The following SYT14 variants were observed in gnomAD, a reference collection of about 807,000 sequenced individuals.
SYT14 encodes synaptotagmin-14.
SYT14 carries 32 observed loss-of-function variants against 74.2 expected under a neutral mutation model. That is an observed-to-expected ratio of 0.43 (90% CI 0.33 to 0.58). SYT14 has a LOEUF of 0.58. SYT14 is among the 20% of genes least tolerant of loss of function. The probability of loss-of-function intolerance (pLI) is 0.05; values close to 1 mark genes in which losing one functional copy is unlikely to be tolerated. For synonymous variants in SYT14, 298 were observed against 337.7 expected, an observed-to-expected ratio of 0.88 and a Z score of 1.29; for missense variants, 791 against 981.8, an observed-to-expected ratio of 0.81 and a Z score of 2.60.
chr1:210,046,407 G>T (rs970275935), intron 5 of SYT14, among the ~76,000 whole-genome samples: 5 of 126,410 alleles, frequency 4.0e-5, no homozygotes, highest in African/African-American at 1.8e-4. Context: ...CTCATTTCAA[G>T]TGTACAAGTC....
chr1:210,104,271 A>G (rs903629419), intron 7 of SYT14, among the ~76,000 whole-genome samples: 2 of 152,230 alleles, frequency 1.3e-5, no homozygotes, highest in South Asian at 2.1e-4. Context: ...CACCTGACCA[A>G]TTCTGTAGTA....
chr1:210,157,722 C>T (rs1246053405), intron 8 of SYT14, among the ~76,000 whole-genome samples: 1 of 151,566 alleles, frequency 6.6e-6, no homozygotes, highest in African/African-American at 2.4e-5. Flanking sequence ...AGCCTGGTGG[C>T]AGAGCAAGGC....
chr1:210,156,002 C>A, intron 8 of SYT14, 92 bp downstream of exon 7: 1 of 1,143,448 alleles, frequency 8.7e-7, no homozygotes, highest in Non-Finnish European at 1.3e-6. Flanking sequence ...TTAGTCTTAA[C>A]CAATCAAAAT....
intron 2 of SYT14, among the ~76,000 whole-genome samples, chr1:209,965,030 G>C (rs1165594483): frequency 6.6e-6 from 1 of 152,030 alleles, no homozygotes; most frequent in Non-Finnish European, 1.5e-5. Context: ...CTTTTTTTCT[G>C]TACAGAAGGT....
chr1:210,140,429 T>A (rs1226514911), intron 7 of SYT14, among the ~76,000 whole-genome samples: 2 of 149,158 alleles, frequency 1.3e-5, no homozygotes, highest in Non-Finnish European at 2.9e-5. Context: ...ATAAGATAAG[T>A]GATTTGATAA....
At chr1:210,042,814 T>C (rs183550924) in intron 5 of SYT14, among the ~76,000 whole-genome samples, 17 of 152,346 alleles carry the variant, frequency 1.1e-4, no homozygotes, top group Admixed American at 3.9e-4. Context: ...TTCTTTTTGC[T>C]TAGGATTGTC....
intron 7 of SYT14, among the ~76,000 whole-genome samples, chr1:210,150,920 T>C (rs1407223749): frequency 6.6e-6 from 1 of 152,186 alleles, no homozygotes; most frequent in Non-Finnish European, 1.5e-5. Context: ...TGTACAAGCT[T>C]CCACCTGATT....
At chr1:210,000,466 G>GCACACACACACACACACACACA (rs375046637) in intron 2 of SYT14, among the ~76,000 whole-genome samples, 22 of 143,200 alleles carry the variant, frequency 1.5e-4, no homozygotes, top group African/African-American at 5.0e-4. Context: ...GTCCTCATAC[G>GCACACACACACACACACACACA]CACACACACA....
intron 2 of SYT14, among the ~76,000 whole-genome samples, chr1:209,981,336 T>G (rs1046278125): frequency 6.6e-6 from 1 of 152,176 alleles, no homozygotes; most frequent in Non-Finnish European, 1.5e-5. Flanking sequence ...TTCTTAGTGC[T>G]TGCTTGGTTG....
At chr1:209,952,285 A>T (rs2078924603) in intron 1 of SYT14, among the ~76,000 whole-genome samples, 1 of 152,198 alleles carries the variant, frequency 6.6e-6, no homozygotes, top group Non-Finnish European at 1.5e-5. Context: ...AGAATATATA[A>T]TGTGAGCATA....
At chr1:209,968,176 C>G (rs1287120078) in intron 2 of SYT14, among the ~76,000 whole-genome samples, 1 of 152,094 alleles carries the variant, frequency 6.6e-6, no homozygotes, top group Non-Finnish European at 1.5e-5. Context: ...AATGTAGCCT[C>G]ATCTTAGGTC....
rs867212617 is a variant in SYT14 at position 210,122,126 on chromosome 1, C to T, written c.2034+21665C>T. Among the ~76,000 whole-genome samples the T allele has an allele frequency of 7.6e-5, 5 of 65,798 alleles. 2 individuals carry two copies. The highest frequency in any genetic ancestry group is 1.3e-4 in the Non-Finnish European group (5 of 38,116). 43.2% of individuals were successfully genotyped at this position (65,798 alleles called of 152,430 possible). On this transcript the variant is annotated intron_variant, in intron 7 of 9. Coordinates refer to ENST00000637265, the Ensembl canonical transcript of SYT14. ...CCAAGTAGCTGGGACTACAGGCGCC[C>T]GCCACTACGCCCGGCTAATTTTTTT...
chr1:210,003,794 C>G (rs2079942893), intron 2 of SYT14, among the ~76,000 whole-genome samples: 1 of 152,066 alleles, frequency 6.6e-6, no homozygotes, highest in Non-Finnish European at 1.5e-5. Flanking sequence ...AAACCAGTTT[C>G]CCTTTTAAAA....
At chr1:210,089,282 A>G (rs2081813613) in intron 5 of SYT14, among the ~76,000 whole-genome samples, 1 of 152,166 alleles carries the variant, frequency 6.6e-6, no homozygotes, top group South Asian at 2.1e-4. Context: ...TCTATCATTG[A>G]TGGGCATTTG....
At chr1:210,032,527 A>C (rs958958425) in intron 5 of SYT14, among the ~76,000 whole-genome samples, 3 of 151,972 alleles carry the variant, frequency 2.0e-5, no homozygotes, top group Admixed American at 1.3e-4. Context: ...AAGGGGGAGC[A>C]GAGGAAAACC....
At chr1:210,094,956 C>T (rs923488127) in intron 6 of SYT14, among the ~76,000 whole-genome samples, 1 of 151,866 alleles carries the variant, frequency 6.6e-6, no homozygotes, top group Non-Finnish European at 1.5e-5. Flanking sequence ...TGGGAGGTTA[C>T]TCAATGTTTC....
At chr1:209,955,319 C>T (rs1268217342) in intron 2 of SYT14, among the ~76,000 whole-genome samples, 6 of 152,128 alleles carry the variant, frequency 3.9e-5, no homozygotes, top group Admixed American at 6.5e-5. Context: ...CTTACCTGAG[C>T]CTATACCTTC....
chr1:210,018,961 C>T (rs1198411194), intron 4 of SYT14, among the ~76,000 whole-genome samples: 1 of 151,762 alleles, frequency 6.6e-6, no homozygotes, highest in Admixed American at 6.6e-5. Flanking sequence ...CATGGTGAAA[C>T]CCCGTCTCTA....
At chr1:210,123,393 G>C (rs541308606) in intron 7 of SYT14, among the ~76,000 whole-genome samples, 1 of 152,314 alleles carries the variant, frequency 6.6e-6, no homozygotes, top group Admixed American at 6.5e-5. Flanking sequence ...CACAGAAGGA[G>C]AGAACTAATC....
Sources: gnomAD v4.1 joint callset for allele counts (sites outside exome capture counted in the v4.1 genomes callset) on GRCh38, gnomAD v4.1.1 for gene constraint, MANE v1.5 for transcripts, NCBI Gene and HGNC (gene_info 2026-07-23, HGNC 2026-07-21) for gene names.